Variants in PALLD observed in about 807,000 individuals in gnomAD.
The protein encoded by PALLD is palladin.
A neutral mutation model predicts 123.5 loss-of-function variants in PALLD; 61 were observed. The ratio of observed to expected loss-of-function variants is 0.49; its 90% confidence interval spans 0.40 to 0.61. The LOEUF (loss-of-function observed/expected upper bound fraction) is 0.61, where lower values mean the gene tolerates loss of function less well. PALLD is among the 20% of genes least tolerant of loss of function. The pLI, the probability that PALLD is intolerant of heterozygous loss-of-function variation, is 0.00. For missense variants in PALLD, 1,273 were observed against 1,377.0 expected, an observed-to-expected ratio of 0.92 and a Z score of 1.20; for synonymous variants, 465 against 496.4, an observed-to-expected ratio of 0.94 and a Z score of 0.84.
chr4:168,688,669 A>G (rs1226440610), intron 6 of PALLD, among the ~76,000 whole-genome samples: 1 of 152,242 alleles, frequency 6.6e-6, no homozygotes, highest in Non-Finnish European at 1.5e-5. Flanking sequence ...CAAGATAAAA[A>G]TGTTAGCTCC....
intron 14 of PALLD, among the ~76,000 whole-genome samples, chr4:168,902,595 C>A (rs1756759460): frequency 1.3e-5 from 2 of 151,984 alleles, no homozygotes; most frequent in Admixed American, 1.3e-4. Context: ...TGAGCCAAGA[C>A]TGCACCACCG....
chr4:168,550,409 A>G (rs940058625), intron 2 of PALLD, among the ~76,000 whole-genome samples: 13 of 152,216 alleles, frequency 8.5e-5, no homozygotes, highest in African/African-American at 3.1e-4. Context: ...GAGTTATTCT[A>G]GTTCTCTGTT....
chr4:168,832,098 C>T, intron 10 of PALLD: 3 of 985,428 alleles, frequency 3.0e-6, no homozygotes, highest in Non-Finnish European at 2.4e-6. Context: ...GCCCGGTCCG[C>T]GGAGCCCGCT....
At chr4:168,606,456 C>T (rs1469127738) in intron 2 of PALLD, among the ~76,000 whole-genome samples, 1 of 151,836 alleles carries the variant, frequency 6.6e-6, no homozygotes, top group Admixed American at 6.6e-5. Flanking sequence ...GGGTGGATCA[C>T]GAGGTCAGGA....
intron 12 of PALLD, among the ~76,000 whole-genome samples, chr4:168,895,820 C>T (rs938377002): frequency 1.3e-5 from 2 of 152,196 alleles, no homozygotes; most frequent in Non-Finnish European, 2.9e-5. Context: ...AATATTATCT[C>T]TTTATCTTCT....
intron 10 of PALLD, chr4:168,877,854 A>G: frequency 7.3e-7 from 1 of 1,370,248 alleles, no homozygotes; most frequent in South Asian, 1.7e-5. Flanking sequence ...GCCTTCCCCG[A>G]GCTCGCGGCC....
At chr4:168,924,063 T>C (rs1168232080) in intron 18 of PALLD, among the ~76,000 whole-genome samples, 192 bp from the exon 19 acceptor site, 1 of 152,106 alleles carries the variant, frequency 6.6e-6, no homozygotes. Flanking sequence ...AGGAAATAAA[T>C]GAGCGGAATG....
intron 2 of PALLD, among the ~76,000 whole-genome samples, chr4:168,651,252 C>A (rs894461977): frequency 2.6e-5 from 4 of 152,164 alleles, no homozygotes; most frequent in Non-Finnish European, 4.4e-5. Flanking sequence ...TTATTAGGCT[C>A]AAGAGTGTTG....
intron 2 of PALLD, among the ~76,000 whole-genome samples, chr4:168,660,610 A>C (rs1050393979): frequency 6.7e-6 from 1 of 149,432 alleles, no homozygotes; most frequent in Admixed American, 6.6e-5. Flanking sequence ...ACACACACAC[A>C]TATGTATGTG....
intron 10 of PALLD, among the ~76,000 whole-genome samples, chr4:168,858,143 G>A (rs1237331231): frequency 6.6e-6 from 1 of 152,202 alleles, no homozygotes; most frequent in Non-Finnish European, 1.5e-5. Flanking sequence ...TAATTTTCAT[G>A]GAGGGGGGCC....
intron 10 of PALLD, among the ~76,000 whole-genome samples, chr4:168,795,549 A>G (rs1452663684): frequency 2.0e-5 from 3 of 152,220 alleles, no homozygotes; most frequent in African/African-American, 7.2e-5. Context: ...TCTTCCTGAA[A>G]AAGTTCAATG....
intron 10 of PALLD, among the ~76,000 whole-genome samples, chr4:168,735,095 T>C (rs1377619775): frequency 2.6e-5 from 4 of 152,212 alleles, no homozygotes; most frequent in African/African-American, 9.7e-5. Flanking sequence ...CTGTTATTCA[T>C]TGAAGAGCTC....
At chr4:168,630,270 A>T (rs998387533) in intron 2 of PALLD, among the ~76,000 whole-genome samples, 1 of 152,208 alleles carries the variant, frequency 6.6e-6, no homozygotes, top group Non-Finnish European at 1.5e-5. Context: ...TTATTCAATG[A>T]CCCTAATAAA....
chr4:168,747,920 G>C (rs376809207), intron 10 of PALLD, among the ~76,000 whole-genome samples: 1 of 152,070 alleles, frequency 6.6e-6, no homozygotes, highest in African/African-American at 2.4e-5. Flanking sequence ...TTACTCCCAA[G>C]TCAAACTCAA....
rs1271164196 is a variant in PALLD at position 168,921,567 on chromosome 4, C to G, written c.2884C>G (p.Gln962Glu). 5.0e-6 allele frequency: 8 copies of G among 1,608,168 alleles called. No homozygotes were observed. The Admixed American group carries it at 1.4e-4, about 27-fold the overall frequency. ...GTTACCAACCCCAGATCTAAGCTGG[C>G]AACTAGATGGAAAGCCCGTACGCCC... ...SGLPTPDLSW[Q>E]LDGKPVRPDS... The change falls in exon 18 of 22, where the codon CAA becomes GAA. Residue 962 changes from glutamine (Q) to glutamate (E), a missense_variant. Physicochemically the swap from Gln to Glu is conservative, Grantham distance 29 (BLOSUM62 2). Coordinates refer to ENST00000505667, the MANE Select transcript of PALLD (RefSeq NM_001166108.2).
chr4:168,520,942 C>A (rs1240393694), intron 2 of PALLD, among the ~76,000 whole-genome samples: 1 of 152,158 alleles, frequency 6.6e-6, no homozygotes, highest in Non-Finnish European at 1.5e-5. Flanking sequence ...TCATGAGTAG[C>A]AGTAGCTAAA....
intron 2 of PALLD, among the ~76,000 whole-genome samples, chr4:168,547,082 A>AC (rs1409331749): frequency 6.6e-6 from 1 of 151,858 alleles, no homozygotes; most frequent in Non-Finnish European, 1.5e-5. Context: ...TGATTCTGTT[A>AC]CCCCTTGTCT....
intron 10 of PALLD, among the ~76,000 whole-genome samples, chr4:168,780,388 A>T (rs1426807475): frequency 6.6e-6 from 1 of 152,224 alleles, no homozygotes; most frequent in Non-Finnish European, 1.5e-5. Flanking sequence ...TTGCTCTCTG[A>T]AGATTTTAAT....
chr4:168,711,936 G>T lies in PALLD; in HGVS notation c.1964+13G>T, dbSNP rs1210196547. 6.2e-7 allele frequency: 1 copy of T among 1,600,512 alleles called. No homozygotes were observed. The highest frequency in any genetic ancestry group is 2.2e-5 in the East Asian group (1 of 44,818). The stretch of plus-strand genomic sequence containing the variant: ...CCAAACCAAAACTGTGAGTATTTCT[G>T]CATGGTTTTATAATAATTTCCATAC... On this transcript the variant is annotated intron_variant, in intron 10 of 21. Coordinates refer to ENST00000505667, the MANE Select transcript of PALLD (RefSeq NM_001166108.2).
Sources: allele counts gnomAD v4.1 joint callset (sites outside exome capture counted in the v4.1 genomes callset), GRCh38; gene constraint gnomAD v4.1.1; transcripts MANE v1.5; gene names NCBI Gene and HGNC (gene_info 2026-07-23, HGNC 2026-07-21).